The following NKAIN2 variants were observed in gnomAD, a reference collection of about 807,000 sequenced individuals.
NKAIN2 encodes sodium/potassium transporting ATPase interacting 2, also known as sodium/potassium-transporting ATPase subunit beta-1-interacting protein 2.
Under a neutral mutation model 32.6 loss-of-function variants are expected in NKAIN2, and 14 were observed. That is an observed-to-expected ratio of 0.43 (90% CI 0.28 to 0.67). The LOEUF (loss-of-function observed/expected upper bound fraction) is 0.67, where lower values mean the gene tolerates loss of function less well. NKAIN2 is among the 30% of genes least tolerant of loss of function. NKAIN2 has a pLI of 0.17. For missense variants in NKAIN2, 198 were observed against 258.3 expected (o/e 0.77, Z 1.60); for synonymous variants, 80 against 87.2 (o/e 0.92, Z 0.46).
At chr6:124,796,423 A>C (rs1780000043) in intron 5 of NKAIN2, among the ~76,000 whole-genome samples, 1 of 152,144 alleles carries the variant, frequency 6.6e-6, no homozygotes, top group Non-Finnish European at 1.5e-5. Context: ...GAGGGGGATC[A>C]CAATTCAGTC....
rs1207217687 is a variant in NKAIN2 at position 123,982,512 on chromosome 6, G to T, written c.54+178258G>T. 5.3e-5 allele frequency among the ~76,000 whole-genome samples: 8 copies of T among 152,082 alleles called. No individual in the cohort carries two copies. In the East Asian group the frequency reaches 1.3e-3, roughly 26 times the overall value. On this transcript the variant is annotated intron_variant, in intron 1 of 6. Transcript: ENST00000368417. Reference sequence around the variant, plus strand: ...ACAAGGATACCCATTTCATTATATTGTGCCTTTGTGTGATTTTAGTGCATA... The same window carrying T: ...ACAAGGATACCCATTTCATTATATTTTGCCTTTGTGTGATTTTAGTGCATA...
chr6:124,258,924 C>T (rs1388035187), intron 1 of NKAIN2, among the ~76,000 whole-genome samples: 1 of 152,156 alleles, frequency 6.6e-6, no homozygotes, highest in East Asian at 1.9e-4. Flanking sequence ...AGTGGATGTT[C>T]CTCCAATTAT....
At chr6:124,719,899 T>C (rs1455335780) in intron 4 of NKAIN2, among the ~76,000 whole-genome samples, 2 of 152,148 alleles carry the variant, frequency 1.3e-5, no homozygotes, top group African/African-American at 4.8e-5. Flanking sequence ...TGTCAGTTGA[T>C]TTTAGCCTTT....
At chr6:123,806,120 T>A (rs147408753) in intron 1 of NKAIN2, among the ~76,000 whole-genome samples, 2 of 152,152 alleles carry the variant, frequency 1.3e-5, no homozygotes, top group Non-Finnish European at 2.9e-5. Context: ...CTTGAGTACA[T>A]GCATGCATCC....
At chr6:123,934,353 T>G (rs557979143) in intron 1 of NKAIN2, among the ~76,000 whole-genome samples, 55 of 152,250 alleles carry the variant, frequency 3.6e-4, no homozygotes, top group African/African-American at 1.3e-3. Flanking sequence ...CTCTCCTTAC[T>G]ACTTATGGGA....
chr6:124,333,629 C>T (rs374693201), intron 2 of NKAIN2, among the ~76,000 whole-genome samples: 11 of 151,612 alleles, frequency 7.3e-5, no homozygotes, highest in East Asian at 1.9e-4. Flanking sequence ...CACTGCACTC[C>T]GGCCTAGGTG....
intron 1 of NKAIN2, among the ~76,000 whole-genome samples, chr6:124,057,168 AAATC>A (rs1460582516): frequency 1.3e-5 from 2 of 152,154 alleles, no homozygotes; most frequent in Non-Finnish European, 2.9e-5. Flanking sequence ...GGACTTGTAA[AAATC>A]AATCTTTTTG....
intron 1 of NKAIN2, among the ~76,000 whole-genome samples, chr6:124,076,635 T>C (rs183962799): frequency 4.3e-4 from 65 of 152,354 alleles, no homozygotes; most frequent in African/African-American, 1.5e-3. Context: ...AGCAGAGTTA[T>C]CCTCCTTTAC....
chr6:124,742,590 A>G (rs551416995), intron 4 of NKAIN2, among the ~76,000 whole-genome samples: 5 of 151,898 alleles, frequency 3.3e-5, no homozygotes, highest in Non-Finnish European at 7.4e-5. Context: ...GCCAGTTCTC[A>G]TAATAAATAT....
chr6:124,707,871 T>A (rs1775185997), intron 4 of NKAIN2, among the ~76,000 whole-genome samples: 2 of 152,232 alleles, frequency 1.3e-5, no homozygotes, highest in South Asian at 4.1e-4. Flanking sequence ...GAATTTTGTC[T>A]TTTGTTGCTA....
chr6:124,396,201 A>G (rs1773370041), intron 3 of NKAIN2, among the ~76,000 whole-genome samples: 1 of 152,100 alleles, frequency 6.6e-6, no homozygotes, highest in Admixed American at 6.5e-5. Context: ...GTATCTCCCA[A>G]TACATGGTAA....
intron 4 of NKAIN2, among the ~76,000 whole-genome samples, chr6:124,766,698 C>T (rs567978403): frequency 4.6e-5 from 7 of 152,214 alleles, no homozygotes; most frequent in Admixed American, 3.9e-4. Context: ...AATATTAGCA[C>T]GAGGAAAAGC....
chr6:124,050,629 A>C (rs992543535), intron 1 of NKAIN2, among the ~76,000 whole-genome samples: 4 of 152,054 alleles, frequency 2.6e-5, no homozygotes, highest in African/African-American at 9.7e-5. Context: ...GTGGTAACTA[A>C]GCTACAGTAC....
chr6:124,253,689 A>G (rs1270861252), intron 1 of NKAIN2, among the ~76,000 whole-genome samples: 1 of 152,150 alleles, frequency 6.6e-6, no homozygotes, highest in East Asian at 1.9e-4. Context: ...ATGGTGAACC[A>G]TGAATGTTAT....
At chr6:124,794,699 G>C (rs2114815504) in intron 5 of NKAIN2, 1 of 158,358 alleles carries the variant, frequency 6.3e-6, no homozygotes, top group African/African-American at 2.4e-5. Flanking sequence ...TGGGCTCGCT[G>C]TCTGTCCAGT....
chr6:124,155,337 A>G, intron 1 of NKAIN2, among the ~76,000 whole-genome samples: 1 of 152,130 alleles, frequency 6.6e-6, no homozygotes, highest in Non-Finnish European at 1.5e-5. Context: ...CAAAGAAATG[A>G]TAAGTGTTCA....
chr6:124,566,520 T>G (rs573607), intron 3 of NKAIN2, among the ~76,000 whole-genome samples: 141,588 of 152,070 alleles, frequency 0.93, 66,314 homozygotes, highest in East Asian at 1. Flanking sequence ...TTTTCCTCCT[T>G]TTGACACACT....
chr6:124,596,454 G>T (rs1415378114), intron 3 of NKAIN2, among the ~76,000 whole-genome samples: 3 of 152,132 alleles, frequency 2.0e-5, no homozygotes, highest in Non-Finnish European at 2.9e-5. Flanking sequence ...GCTTAGGAAG[G>T]TTGCATGAAT....
At chr6:124,583,229 C>CAAA (rs60708814) in intron 3 of NKAIN2, among the ~76,000 whole-genome samples, 3 of 141,308 alleles carry the variant, frequency 2.1e-5, no homozygotes, top group Admixed American at 7.0e-5. Flanking sequence ...AAGACTCCAC[C>CAAA]AAAAAAAAAA....
Sources: gnomAD v4.1 joint callset for allele counts (sites outside exome capture counted in the v4.1 genomes callset) on GRCh38, gnomAD v4.1.1 for gene constraint, MANE v1.5 for transcripts, NCBI Gene and HGNC (gene_info 2026-07-23, HGNC 2026-07-21) for gene names.